Variants in CADPS observed in about 807,000 individuals in gnomAD.
CADPS encodes the protein calcium dependent secretion activator.
CADPS carries 57 observed loss-of-function variants against 167.3 expected under a neutral mutation model. The observed-to-expected ratio is 0.34, with a 90% CI of 0.28 to 0.42. The LOEUF (loss-of-function observed/expected upper bound fraction) is 0.42, where lower values mean the gene tolerates loss of function less well. Among genes scored for constraint, CADPS ranks in the 20% least tolerant of loss-of-function variants. CADPS has a pLI of 1.00. For synonymous variants in CADPS, 676 were observed against 635.3 expected (o/e 1.06, Z -0.96); for missense variants, 1,414 against 1,738.1 (o/e 0.81, Z 3.32).
chr3:62,433,458 C>T lies in CADPS; in HGVS notation c.3777+4646G>A, dbSNP rs146186960. ...CCCTTTCCTGATCTGATAACTGCCA[C>T]GGAGAAGCCAAATGCAGAGTCAATC... On this transcript the variant is annotated intron_variant, in intron 28 of 29. Transcript: ENST00000383710. This position sits in a 1 kb window ranked among gnomAD's most constrained non-coding sequence, Gnocchi z 4.7. Among the ~76,000 whole-genome samples, 565 of 152,250 alleles carry T rather than the reference C, an allele frequency of 3.7e-3. 2 individuals carry two copies. Among genetic ancestry groups the T allele is most frequent in the Middle Eastern group, 0.01 (3 of 294 alleles).
At chr3:62,635,635 G>C (rs1203676763) in intron 6 of CADPS, among the ~76,000 whole-genome samples, 2 of 109,628 alleles carry the variant, frequency 1.8e-5, no homozygotes, top group African/African-American at 6.7e-5. Context: ...TTTACTTTTC[G>C]GGCTTTCTCT....
At chr3:62,423,455 T>C (rs1201452603) in intron 28 of CADPS, among the ~76,000 whole-genome samples, 2 of 152,300 alleles carry the variant, frequency 1.3e-5, no homozygotes, top group African/African-American at 4.8e-5. Context: ...AGAACCCCAG[T>C]GGATGAATTT....
At chr3:62,762,754 T>A (rs1283690793) in intron 2 of CADPS, among the ~76,000 whole-genome samples, 1 of 152,090 alleles carries the variant, frequency 6.6e-6, no homozygotes, top group Non-Finnish European at 1.5e-5. Flanking sequence ...TCTGAGGATT[T>A]TGTATTTGAG....
At chr3:62,639,561 A>G (rs753548200) in intron 6 of CADPS, among the ~76,000 whole-genome samples, 3 of 152,014 alleles carry the variant, frequency 2.0e-5, no homozygotes, top group Non-Finnish European at 4.4e-5. Flanking sequence ...GTTATTCCCC[A>G]CTCTAATACT....
At chr3:62,428,355 A>C (rs1414691793) in intron 28 of CADPS, among the ~76,000 whole-genome samples, 1 of 143,584 alleles carries the variant, frequency 7.0e-6, no homozygotes, top group East Asian at 2.2e-4. Flanking sequence ...TGGAACTATA[A>C]AAAGGAAAGG....
At position 62,455,427 on chromosome 3, in the gene CADPS, G is replaced by A. The variant is rs936198979; in HGVS notation, c.3637-9630C>T. ...AAACTGAGGCTCAGAGAGGTTAATCGACTTTTGAAAAGATCCACAACTAGT... is the reference window on the plus strand; with the variant it reads ...AAACTGAGGCTCAGAGAGGTTAATCAACTTTTGAAAAGATCCACAACTAGT... On this transcript the variant is annotated intron_variant, in intron 26 of 29. Transcript: ENST00000383710. This position sits in a 1 kb window ranked among gnomAD's most constrained non-coding sequence, Gnocchi z 4.4. Among the ~76,000 whole-genome samples, 2 of 152,086 alleles carry A rather than the reference G, an allele frequency of 1.3e-5. No individual in the cohort carries two copies. The highest frequency in any genetic ancestry group is 2.1e-4 in the South Asian group (1 of 4,816).
intron 8 of CADPS, among the ~76,000 whole-genome samples, chr3:62,572,176 A>G (rs987743761): frequency 5.3e-5 from 8 of 152,174 alleles, no homozygotes; most frequent in Admixed American, 2.0e-4. Context: ...GACAAATTTC[A>G]GGGGCCCTTA....
intron 1 of CADPS, among the ~76,000 whole-genome samples, chr3:62,785,083 C>G (rs2092288927): frequency 6.6e-6 from 1 of 151,200 alleles, no homozygotes; most frequent in African/African-American, 2.5e-5. Context: ...ATTTCAGGAG[C>G]ATAGGGAGCA....
At chr3:62,629,304 A>G (rs753595262) in intron 6 of CADPS, among the ~76,000 whole-genome samples, 7 of 152,162 alleles carry the variant, frequency 4.6e-5, no homozygotes, top group Non-Finnish European at 7.4e-5. Flanking sequence ...CCACAATCCT[A>G]GGCAACCACT....
intron 1 of CADPS, among the ~76,000 whole-genome samples, chr3:62,795,301 C>G (rs1258506390): frequency 6.6e-6 from 1 of 151,980 alleles, no homozygotes; most frequent in African/African-American, 2.4e-5. Flanking sequence ...CCACTACAAC[C>G]CTTTCATCAC....
chr3:62,496,073 C>T (rs1213258322), intron 18 of CADPS, among the ~76,000 whole-genome samples: 12 of 140,616 alleles, frequency 8.5e-5, no homozygotes, highest in Middle Eastern at 3.8e-3. Context: ...CTTTTCTTTT[C>T]TTTTTTTTTT....
intron 7 of CADPS, among the ~76,000 whole-genome samples, chr3:62,590,519 GT>G (rs1252246883): frequency 6.6e-6 from 1 of 151,978 alleles, no homozygotes; most frequent in Non-Finnish European, 1.5e-5. Context: ...TAGGGACACT[GT>G]TTTTTTGTTT....
At chr3:62,512,221 T>A (rs1444496623) in intron 17 of CADPS, among the ~76,000 whole-genome samples, 1 of 152,136 alleles carries the variant, frequency 6.6e-6, no homozygotes, top group Non-Finnish European at 1.5e-5. Context: ...GCCAGAACTT[T>A]CCAAGAGCTT....
At chr3:62,788,531 A>G (rs1345935381) in intron 1 of CADPS, among the ~76,000 whole-genome samples, 2 of 152,160 alleles carry the variant, frequency 1.3e-5, no homozygotes, top group East Asian at 3.9e-4. Context: ...TGTTTTGAAG[A>G]CGTATCAGAA....
intron 9 of CADPS, among the ~76,000 whole-genome samples, chr3:62,564,006 G>A (rs555844771): frequency 1.3e-5 from 2 of 151,868 alleles, no homozygotes; most frequent in South Asian, 2.1e-4. Flanking sequence ...CCTGTGTTAG[G>A]TTTCTTTTTT....
chr3:62,845,354 A>G (rs866241919), intron 1 of CADPS, among the ~76,000 whole-genome samples: 23 of 152,310 alleles, frequency 1.5e-4, no homozygotes, highest in African/African-American at 5.3e-4. Context: ...TTCACATAGA[A>G]TCTACCACTT....
intron 13 of CADPS, among the ~76,000 whole-genome samples, chr3:62,524,807 G>C (rs575262330): frequency 6.6e-6 from 1 of 152,262 alleles, no homozygotes; most frequent in Admixed American, 6.5e-5. Flanking sequence ...GATGATTAGA[G>C]AAATTGTATA....
At chr3:62,776,568 G>A (rs1349141407) in intron 1 of CADPS, among the ~76,000 whole-genome samples, 2 of 152,098 alleles carry the variant, frequency 1.3e-5, no homozygotes, top group East Asian at 3.9e-4. Context: ...GCAGGAGAAT[G>A]GCGTGAACCC....
intron 3 of CADPS, among the ~76,000 whole-genome samples, chr3:62,691,536 A>G (rs1043895259): frequency 2.0e-5 from 3 of 152,104 alleles, no homozygotes; most frequent in African/African-American, 7.2e-5. Flanking sequence ...GCAGTCAGTA[A>G]TGGTGCTTCC....
Sources: allele counts gnomAD v4.1 joint callset (sites outside exome capture counted in the v4.1 genomes callset), GRCh38; gene constraint gnomAD v4.1.1; non-coding constraint Gnocchi (gnomAD v3.1); transcripts MANE v1.5; gene names NCBI Gene and HGNC (gene_info 2026-07-23, HGNC 2026-07-21).